Variants in CSMD1 observed in about 807,000 individuals in gnomAD.
CSMD1 encodes CUB and Sushi multiple domains 1, also known as CUB and sushi domain-containing protein 1.
Under a neutral mutation model 417.5 loss-of-function variants are expected in CSMD1, and 213 were observed. That is an observed-to-expected ratio of 0.51 (90% CI 0.46 to 0.57). The LOEUF is 0.57. Ranked by LOEUF, CSMD1 falls within the 20% of genes least tolerant of loss-of-function variation. CSMD1 has a pLI of 0.00. For synonymous variants in CSMD1, 2,862 were observed against 1,736.8 expected (o/e 1.65, Z -16.11); for missense variants, 6,923 against 4,529.7 (o/e 1.53, Z -15.17).
At chr8:4,394,628 G>C (rs1804078521) in intron 3 of CSMD1, among the ~76,000 whole-genome samples, 1 of 151,914 alleles carries the variant, frequency 6.6e-6, no homozygotes, top group African/African-American at 2.4e-5. Context: ...CATTAGGGCT[G>C]GGAACTCCTG....
At chr8:3,573,511 A>G (rs1800025936) in intron 10 of CSMD1, among the ~76,000 whole-genome samples, 2 of 152,196 alleles carry the variant, frequency 1.3e-5, no homozygotes, top group Admixed American at 6.5e-5. Context: ...AAAGCCTGCA[A>G]CGCCCTGGAG....
intron 12 of CSMD1, among the ~76,000 whole-genome samples, chr8:3,429,925 A>G (rs927299757): frequency 6.6e-6 from 1 of 152,088 alleles, no homozygotes; most frequent in Non-Finnish European, 1.5e-5. Flanking sequence ...CACACTGTCT[A>G]TTTCTTATAT....
chr8:4,760,164 G>T (rs888674223), intron 1 of CSMD1, among the ~76,000 whole-genome samples: 2 of 152,164 alleles, frequency 1.3e-5, no homozygotes, highest in Admixed American at 1.3e-4. Context: ...AATAGTCATA[G>T]GCTGCAACAT....
chr8:3,746,132 G>A (rs1291513535), intron 6 of CSMD1, among the ~76,000 whole-genome samples: 5 of 152,228 alleles, frequency 3.3e-5, no homozygotes, highest in Admixed American at 1.3e-4. Context: ...TTGCCTGCAT[G>A]AGACAGAGAA....
chr8:4,229,340 T>C (rs1293111811), intron 3 of CSMD1, among the ~76,000 whole-genome samples: 1 of 152,172 alleles, frequency 6.6e-6, no homozygotes, highest in Non-Finnish European at 1.5e-5. Flanking sequence ...ATGTGCTTCT[T>C]TCTTATCCAC....
chr8:3,368,513 A>G (rs1480001768), intron 19 of CSMD1, among the ~76,000 whole-genome samples: 1 of 151,972 alleles, frequency 6.6e-6, no homozygotes, highest in Non-Finnish European at 1.5e-5. Flanking sequence ...ATTATTTTGT[A>G]TTTTTAGTAG....
intron 7 of CSMD1, among the ~76,000 whole-genome samples, chr8:3,684,276 T>C (rs1042210198): frequency 2.1e-5 from 3 of 144,408 alleles, no homozygotes; most frequent in Non-Finnish European, 3.0e-5. Flanking sequence ...CTATATGTTA[T>C]ATATTATATA....
At chr8:3,283,170 C>G (rs570072303) in intron 26 of CSMD1, among the ~76,000 whole-genome samples, 2 of 152,284 alleles carry the variant, frequency 1.3e-5, no homozygotes, top group African/African-American at 2.4e-5. Context: ...CTTCTTGAAA[C>G]TTTATCCCTA....
rs1808808642 is a variant in CSMD1, at chr8:4,952,344, G to GTCAAACA, written c.85+41987_85+41988insTGTTTGA. 7.3e-5 allele frequency among the ~76,000 whole-genome samples: 9 copies of GTCAAACA among 123,046 alleles called. No homozygotes were observed. In the South Asian group the frequency reaches 2.0e-3, roughly 27 times the overall value. The allele number at this position is 123,046 out of a possible 152,430, so 80.7% of individuals were successfully genotyped here. ...TTGGGAATGAAAACAAACCCAATAA[G>GTCAAACA]TGAAACTGAATAATGTATGCGTTGA... On this transcript the variant is annotated intron_variant, in intron 1 of 69. Transcript: ENST00000635120.
chr8:3,347,286 G>A (rs1392928368), intron 22 of CSMD1, among the ~76,000 whole-genome samples: 2 of 152,182 alleles, frequency 1.3e-5, no homozygotes, highest in Non-Finnish European at 2.9e-5. Context: ...GGCCATGGAA[G>A]GTTCCCAATT....
chr8:3,139,742 G>A (rs1297980488), intron 41 of CSMD1, among the ~76,000 whole-genome samples: 2 of 152,062 alleles, frequency 1.3e-5, no homozygotes, highest in Non-Finnish European at 2.9e-5. Flanking sequence ...ACAGATCTGA[G>A]TTATATTCAA....
chr8:3,047,213 CAAAAAAAAAA>C (rs749861179), intron 50 of CSMD1, among the ~76,000 whole-genome samples: 1 of 73,090 alleles, frequency 1.4e-5, no homozygotes, highest in African/African-American at 6.9e-5. Context: ...GACTCCCTCT[CAAAAAAAAAA>C]AAAAAAAAAA....
intron 3 of CSMD1, among the ~76,000 whole-genome samples, chr8:4,139,866 G>C (rs530612401): frequency 2.1e-4 from 31 of 151,012 alleles, no homozygotes; most frequent in Admixed American, 3.9e-4. Flanking sequence ...GGAAATTTTA[G>C]ATCAGCATGT....
chr8:3,414,132 C>G (rs1323943497), intron 12 of CSMD1, among the ~76,000 whole-genome samples: 1 of 127,832 alleles, frequency 7.8e-6, no homozygotes, highest in Non-Finnish European at 1.6e-5. Flanking sequence ...GAGCGAGACT[C>G]CGTTAAAGAA....
intron 25 of CSMD1, among the ~76,000 whole-genome samples, chr8:3,305,813 G>A (rs1246423597): frequency 6.6e-6 from 1 of 152,076 alleles, no homozygotes; most frequent in Non-Finnish European, 1.5e-5. Context: ...CCGAGTAGCT[G>A]GGACTACAGG....
At chr8:2,970,362 G>C (rs935818464) in intron 57 of CSMD1, among the ~76,000 whole-genome samples, 37 of 152,164 alleles carry the variant, frequency 2.4e-4, no homozygotes, top group Non-Finnish European at 4.3e-4. Flanking sequence ...GGCCATCTTT[G>C]ATAGAATATT....
chr8:3,353,148 T>G (rs1808526472), intron 21 of CSMD1, among the ~76,000 whole-genome samples: 1 of 152,220 alleles, frequency 6.6e-6, no homozygotes, highest in Non-Finnish European at 1.5e-5. Context: ...TGAGGGCTAC[T>G]TGCTTATGAC....
chr8:3,031,252 G>C (rs1464486589), intron 50 of CSMD1, among the ~76,000 whole-genome samples: 1 of 144,922 alleles, frequency 6.9e-6, no homozygotes, highest in Non-Finnish European at 1.5e-5. Flanking sequence ...CTCATAGGTG[G>C]GAATTGAACA....
chr8:4,388,656 T>G (rs921251090), intron 3 of CSMD1, among the ~76,000 whole-genome samples: 1 of 152,070 alleles, frequency 6.6e-6, no homozygotes, highest in East Asian at 1.9e-4. Flanking sequence ...TTAAAAAACT[T>G]ACCTATGTAA....
Sources: gnomAD v4.1 joint callset for allele counts (sites outside exome capture counted in the v4.1 genomes callset) on GRCh38, gnomAD v4.1.1 for gene constraint, MANE v1.5 for transcripts, NCBI Gene and HGNC (gene_info 2026-07-23, HGNC 2026-07-21) for gene names.